The following KLHL32 variants were observed in gnomAD, a reference collection of about 807,000 sequenced individuals.
The protein encoded by KLHL32 is kelch like family member 32, also known as kelch-like protein 32.
Under a neutral mutation model 64.8 loss-of-function variants are expected in KLHL32, and 35 were observed. The ratio of observed to expected loss-of-function variants is 0.54; its 90% CI spans 0.41 to 0.72. KLHL32 has a LOEUF of 0.72. Ranked by LOEUF, KLHL32 falls within the 30% of genes least tolerant of loss-of-function variation. KLHL32 has a pLI of 0.00. For missense variants in KLHL32, 589 were observed against 768.5 expected (o/e 0.77, Z 2.76); for synonymous variants, 259 against 281.0 (o/e 0.92, Z 0.78).
At chr6:97,102,985 TC>T (rs1016458671) in intron 6 of KLHL32, among the ~76,000 whole-genome samples, 1 of 150,842 alleles carries the variant, frequency 6.6e-6, no homozygotes, top group Non-Finnish European at 1.5e-5. Flanking sequence ...CTCTCCCTCC[TC>T]CCCCACCCTC....
At chr6:97,029,166 C>A (rs979382691) in intron 3 of KLHL32, among the ~76,000 whole-genome samples, 2 of 152,044 alleles carry the variant, frequency 1.3e-5, no homozygotes, top group Non-Finnish European at 2.9e-5. Flanking sequence ...CCCAGAAGAC[C>A]CAGGTCGTTG....
intron 8 of KLHL32, among the ~76,000 whole-genome samples, chr6:97,130,267 A>G (rs916919209): frequency 6.6e-6 from 1 of 152,164 alleles, no homozygotes; most frequent in African/African-American, 2.4e-5. Context: ...TATTATCCCC[A>G]TTTTACAGAT....
At chr6:97,060,223 A>T (rs77956221) in intron 4 of KLHL32, among the ~76,000 whole-genome samples, 4,431 of 152,224 alleles carry the variant, frequency 0.029, 229 homozygotes, top group African/African-American at 0.1. Context: ...AACTCACTTG[A>T]TCACAGGCAG....
chr6:96,975,192 G>T (rs564360625), intron 2 of KLHL32, among the ~76,000 whole-genome samples: 1 of 152,308 alleles, frequency 6.6e-6, no homozygotes, highest in African/African-American at 2.4e-5. Flanking sequence ...AATGTTTTAG[G>T]TTGGGGTAGA....
intron 4 of KLHL32, among the ~76,000 whole-genome samples, chr6:97,048,578 TG>T (rs1399881461): frequency 6.6e-6 from 1 of 152,262 alleles, no homozygotes; most frequent in Admixed American, 6.5e-5. Context: ...GATTGTCATT[TG>T]GTTCCCTAAT....
intron 3 of KLHL32, among the ~76,000 whole-genome samples, chr6:97,020,692 A>G (rs953465132): frequency 6.6e-6 from 1 of 151,070 alleles, no homozygotes; most frequent in Non-Finnish European, 1.5e-5. Context: ...TTCAATAATC[A>G]GTTTCCAGTC....
At chr6:96,957,908 A>T (rs965180703) in intron 1 of KLHL32, among the ~76,000 whole-genome samples, 12 of 152,244 alleles carry the variant, frequency 7.9e-5, no homozygotes, top group African/African-American at 2.9e-4. Context: ...TCATGATTCA[A>T]TATATGCAAA....
intron 5 of KLHL32, among the ~76,000 whole-genome samples, chr6:97,084,343 G>C (rs1447385292): frequency 6.6e-6 from 1 of 152,130 alleles, no homozygotes; most frequent in African/African-American, 2.4e-5. Context: ...CAGTGACAAA[G>C]GTACAGTGGA....
intron 6 of KLHL32, among the ~76,000 whole-genome samples, chr6:97,096,080 A>G (rs530459408): frequency 1.3e-5 from 2 of 152,282 alleles, no homozygotes; most frequent in Admixed American, 6.5e-5. Context: ...CTGTTATTTT[A>G]TAGGTCTTCT....
chr6:96,913,773 T>C, the KLHL32 span, among the ~76,000 whole-genome samples: 9 of 152,176 alleles, frequency 5.9e-5, no homozygotes, highest in Admixed American at 1.3e-4. Flanking sequence ...ATGTGCACCT[T>C]AATAACTAGG....
chr6:97,082,601 A>G (rs951531185), intron 5 of KLHL32, among the ~76,000 whole-genome samples: 2 of 139,334 alleles, frequency 1.4e-5, no homozygotes, highest in South Asian at 2.6e-4. Flanking sequence ...GCGACAGAGC[A>G]AGATTCCATC....
At chr6:97,085,001 C>A in intron 5 of KLHL32, 125 bp from the exon 6 acceptor site, 1 of 662,792 alleles carries the variant, frequency 1.5e-6, no homozygotes. Flanking sequence ...TTTTTTTATA[C>A]TAGCCCTCCC....
chr6:97,012,968 A>C (rs17057222), intron 3 of KLHL32, among the ~76,000 whole-genome samples: 5 of 152,064 alleles, frequency 3.3e-5, no homozygotes, highest in African/African-American at 1.2e-4. Context: ...TCAAAATTTC[A>C]TCTTTTTCTT....
intron 5 of KLHL32, among the ~76,000 whole-genome samples, chr6:97,073,775 T>A (rs1467944946): frequency 6.6e-6 from 1 of 152,174 alleles, no homozygotes; most frequent in Non-Finnish European, 1.5e-5. Flanking sequence ...GAGAATGCTA[T>A]CCATGTGTCT....
chr6:96,942,950 A>G (rs1312351057), intron 1 of KLHL32, among the ~76,000 whole-genome samples: 5 of 151,936 alleles, frequency 3.3e-5, no homozygotes, highest in African/African-American at 1.2e-4. Context: ...TAAAAATTAA[A>G]TTAAGCATTC....
At chr6:96,931,289 T>C (rs1033356746) in intron 1 of KLHL32, among the ~76,000 whole-genome samples, 29 of 152,296 alleles carry the variant, frequency 1.9e-4, no homozygotes, top group African/African-American at 6.5e-4. Context: ...AAATATCATG[T>C]GGATTTCTGA....
chr6:97,052,129 G>C, intron 4 of KLHL32, among the ~76,000 whole-genome samples: 1 of 152,194 alleles, frequency 6.6e-6, no homozygotes, highest in East Asian at 1.9e-4. Flanking sequence ...AACGAAAGAA[G>C]TTTGTGTTTA....
chr6:97,063,837 A>G lies in KLHL32; in HGVS notation c.313-791A>G, dbSNP rs569524084. Among the ~76,000 whole-genome samples the G allele has an allele frequency of 3.9e-5, 6 of 152,338 alleles. 1 individual carries two copies. The highest frequency in any genetic ancestry group is 4.1e-4 in the South Asian group (2 of 4,826). Reference sequence around the variant, plus strand: ...GGTTAGAATGGAGGGCTGGGGCATCACTAAAGGCCTCCTTGCACCTGGCAG... The same window carrying G: ...GGTTAGAATGGAGGGCTGGGGCATCGCTAAAGGCCTCCTTGCACCTGGCAG... On this transcript the variant is annotated intron_variant, in intron 4 of 10. Coordinates refer to ENST00000369261, the MANE Select transcript of KLHL32 (RefSeq NM_052904.4).
In KLHL32 at chr6:97,024,895, C is replaced by T. The variant is rs371962629; in HGVS notation, c.205-16597C>T. 285 of 629,240 alleles carry T rather than the reference C, an allele frequency of 4.5e-4. No homozygotes were observed. In the African/African-American group the frequency reaches 5.3e-3, roughly 12 times the overall value. 39.0% of individuals were successfully genotyped at this position (629,240 alleles called of 1,614,324 possible). On this transcript the variant is annotated intron_variant, in intron 3 of 10. Coordinates refer to ENST00000369261, the MANE Select transcript of KLHL32 (RefSeq NM_052904.4). ...GTTTCAAATATATATTGAAATATCA[C>T]TTTATTTTTCTGCCATATCTTTTCT...
Sources: gnomAD v4.1 joint callset for allele counts (sites outside exome capture counted in the v4.1 genomes callset) on GRCh38, gnomAD v4.1.1 for gene constraint, MANE v1.5 for transcripts, NCBI Gene and HGNC (gene_info 2026-07-23, HGNC 2026-07-21) for gene names.